The following TNKS1BP1 variants were observed in gnomAD, a reference collection of about 807,000 sequenced individuals.
TNKS1BP1 encodes the protein CCR4-NOT transcription complex subunit 12.
A neutral mutation model predicts 141.1 loss-of-function variants in TNKS1BP1; 48 were observed. The observed-to-expected ratio is 0.34, with a 90% CI of 0.27 to 0.43. The LOEUF is 0.43. TNKS1BP1 is among the 20% of genes least tolerant of loss of function. TNKS1BP1 has a pLI of 1.00. For synonymous variants in TNKS1BP1, 875 were observed against 898.2 expected (o/e 0.97, Z 0.46); for missense variants, 2,149 against 2,226.0 (o/e 0.97, Z 0.70).
intron 1 of TNKS1BP1, 126 bp downstream of exon 1, chr11:57,324,714 G>T: frequency 2.2e-6 from 2 of 922,254 alleles, no homozygotes; most frequent in Middle Eastern, 5.5e-4. Flanking sequence ...CTTTCCTGGT[G>T]ACCCCCCGAC....
rs201181917 is a variant in TNKS1BP1, at chr11:57,302,218, C to T, written c.4690G>A (p.Glu1564Lys). ...CGATACATGGCACTGTCGAGGATCTCGGTGTCCTGCTTGGGGCAATGGTGA... is the reference window on the plus strand; with the variant it reads ...CGATACATGGCACTGTCGAGGATCTTGGTGTCCTGCTTGGGGCAATGGTGA... Reference protein sequence around the residue: ...SQDFSFIEDTEILDSAMYRSR... With the variant: ...SQDFSFIEDTKILDSAMYRSR... Residue 1564 changes from glutamate to lysine, a missense_variant, in exon 8 of 12, where the codon GAG becomes AAG. Glu to Lys is a moderately conservative substitution (Grantham distance 56, BLOSUM62 1). Transcript: ENST00000358252. The surrounding 1 kb of genome is among the most constrained non-coding windows in gnomAD (Gnocchi z 5.5). 1.5e-4 allele frequency: 247 copies of T among 1,610,650 alleles called. No homozygotes were observed. Among genetic ancestry groups the T allele is most frequent in the South Asian group, 5.9e-4 (54 of 91,036 alleles).
chr11:57,324,939 G>A lies in TNKS1BP1; in HGVS notation c.-165C>T. 2.0e-6 allele frequency: 2 copies of A among 993,146 alleles called. No homozygotes were observed. The highest frequency in any genetic ancestry group is 2.4e-6 in the Non-Finnish European group (2 of 836,310). The allele number at this position is 993,146 out of a possible 1,614,324, so 61.5% of individuals were successfully genotyped here. A position where few individuals can be genotyped will look rare whatever the true frequency, so the allele number is the denominator to read the frequency against. On this transcript the variant is annotated 5_prime_UTR_variant, in exon 1 of 12. Coordinates refer to ENST00000358252, the MANE Select transcript of TNKS1BP1 (RefSeq NM_033396.3). ...GCCGCCGCCGCCGCCGTCACCGCGG[G>A]ACGAAGCCACTGCGAGCCCCGGCGG...
chr11:57,312,487 C>T (rs545574485), intron 5 of TNKS1BP1, 47 bp downstream of exon 5: 107 of 1,415,206 alleles, frequency 7.6e-5, no homozygotes, highest in Non-Finnish European at 9.4e-5. Context: ...CACCCAAGCC[C>T]TGGCCTCTGT....
At chr11:57,310,678 G>T (rs747238512) in intron 5 of TNKS1BP1, 122 bp from the exon 6 acceptor site, 3 of 1,319,166 alleles carry the variant, frequency 2.3e-6, no homozygotes, top group Non-Finnish European at 3.1e-6. Context: ...ACAGAAAGCT[G>T]TGTGACCTTG....
In TNKS1BP1 at chr11:57,308,673, C is replaced by T; in HGVS notation, c.4038G>A (p.Gln1346=). The T allele has an allele frequency of 6.2e-7, 1 of 1,613,078 alleles. No individual in the cohort carries two copies. The highest frequency in any genetic ancestry group is 8.5e-7 in the Non-Finnish European group (1 of 1,180,024). The change falls in exon 6 of 12, where the codon CAG becomes CAA. Residue 1346 remains glutamine (Q), a synonymous_variant. Transcript: ENST00000358252. The part of the protein sequence containing the change: ...GCGVGQMDWT[Q]DLAPQNVELF... ...GCTCCACATTCTGGGGCGCCAAGTCCTGGGTCCAGTCCATCTGCCCCACTC... is the reference window on the plus strand; with the variant it reads ...GCTCCACATTCTGGGGCGCCAAGTCTTGGGTCCAGTCCATCTGCCCCACTC...
Position 57,300,921 on chromosome 11 carries a change from G to A in TNKS1BP1, c.5092C>T (p.Pro1698Ser), listed in dbSNP as rs868823754. 4 of 1,614,016 alleles carry A rather than the reference G, an allele frequency of 2.5e-6. No homozygotes were observed. The African/African-American group carries it at 5.3e-5, about 22-fold the overall frequency. ...KSCKVPGLGK[P>S]LTLPPKPEKS... ...TCTGGCTTGGGAGGTAACGTGAGGG[G>A]CTTTCCCAGTCCTGGGACCTTGCAG... The change falls in exon 10 of 12, where the codon CCC becomes TCC. Residue 1698 changes from proline (P) to serine (S), a missense_variant. Physicochemically the swap from Pro to Ser is moderately conservative, Grantham distance 74. Coordinates refer to ENST00000358252, the MANE Select transcript of TNKS1BP1 (RefSeq NM_033396.3).
rs1175469005 is a variant in TNKS1BP1 at position 57,313,045 on chromosome 11, G to A, written c.1643C>T (p.Pro548Leu). ...GCCCTTCTGGGTGAGGGACATGCTT[G>A]GATCATCCCCCTGCACCCAGGAACT... ...SGSSWVQGDD[P>L]SMSLTQKGDG... Residue 548 changes from proline (P) to leucine (L), a missense_variant, in exon 5 of 12, where the codon CCA becomes CTA. Physicochemically the swap from Pro to Leu is moderately conservative, Grantham distance 98 (BLOSUM62 -3). Coordinates refer to ENST00000358252, the MANE Select transcript of TNKS1BP1 (RefSeq NM_033396.3). 1 of 1,613,868 alleles carries A rather than the reference G, an allele frequency of 6.2e-7. No homozygotes were observed. Among genetic ancestry groups the A allele is most frequent in the Non-Finnish European group, 8.5e-7 (1 of 1,180,022 alleles).
At chr11:57,321,337 A>G (rs756915138) in intron 2 of TNKS1BP1, among the ~76,000 whole-genome samples, 7 of 152,086 alleles carry the variant, frequency 4.6e-5, no homozygotes, top group Admixed American at 3.9e-4. Flanking sequence ...AAACAGGACC[A>G]GAAATCTACC....
At chr11:57,315,894 T>C (rs1236632697) in intron 4 of TNKS1BP1, among the ~76,000 whole-genome samples, 3 of 151,938 alleles carry the variant, frequency 2.0e-5, no homozygotes, top group Admixed American at 6.6e-5. Context: ...TTTTTCCCTC[T>C]CTACTGGATC....
chr11:57,318,433 C>T (rs1280440399), intron 3 of TNKS1BP1, among the ~76,000 whole-genome samples: 1 of 152,174 alleles, frequency 6.6e-6, no homozygotes, highest in Admixed American at 6.5e-5. Flanking sequence ...CTGGGACAGG[C>T]AAAGGACTAG....
At chr11:57,318,625 C>A (rs1855832948) in intron 3 of TNKS1BP1, among the ~76,000 whole-genome samples, 1 of 152,228 alleles carries the variant, frequency 6.6e-6, no homozygotes, top group Admixed American at 6.5e-5. Context: ...AAGGAGCCAG[C>A]CATACCTCAA....
chr11:57,310,933 T>G (rs546717256), intron 5 of TNKS1BP1, among the ~76,000 whole-genome samples: 1 of 152,294 alleles, frequency 6.6e-6, no homozygotes, highest in Admixed American at 6.5e-5. Flanking sequence ...CAGTGCACTT[T>G]CCTTTTGATT....
chr11:57,321,932 A>C lies in TNKS1BP1; in HGVS notation c.-47T>G. On this transcript the variant is annotated 5_prime_UTR_variant, in exon 2 of 12. Coordinates refer to ENST00000358252, the MANE Select transcript of TNKS1BP1 (RefSeq NM_033396.3). ...GAGAGCGGGGAGGCAGAGAGGTATG[A>C]GCTGGGGTGGCTGCAGACCTAGGAA... The C allele has an allele frequency of 6.2e-7, 1 of 1,607,564 alleles. No homozygotes were observed. The highest frequency in any genetic ancestry group is 8.5e-7 in the Non-Finnish European group (1 of 1,177,132).
intron 4 of TNKS1BP1, among the ~76,000 whole-genome samples, chr11:57,317,097 C>T (rs1024967869): frequency 2.0e-5 from 3 of 152,226 alleles, no homozygotes; most frequent in East Asian, 3.8e-4. Context: ...CTGCCCTTCA[C>T]AGTGACACCT....
In TNKS1BP1 at chr11:57,310,561, G is replaced by C; in HGVS notation, c.2155-5C>G. 2 of 1,582,212 alleles carry C rather than the reference G, an allele frequency of 1.3e-6. No individual in the cohort carries two copies. The highest frequency in any genetic ancestry group is 1.7e-6 in the Non-Finnish European group (2 of 1,173,008). Reference sequence around the variant, plus strand: ...CTGGGACCAGCCAAGGAGTCCCTGGGAATAAGAAAAAAAAACAGACAAAGA... The same window carrying C: ...CTGGGACCAGCCAAGGAGTCCCTGGCAATAAGAAAAAAAAACAGACAAAGA... On this transcript the variant is annotated splice_region_variant and splice_polypyrimidine_tract_variant and intron_variant, in intron 5 of 11. Transcript: ENST00000358252.
rs776761896 is a variant in TNKS1BP1, at chr11:57,309,072, C to A, written c.3639G>T (p.Gly1213=). ...CTCCGATTCCCCCCGGCTCTTCAGACCCTCCACTTTCCAAACAGCCGGTCA... is the reference window on the plus strand; with the variant it reads ...CTCCGATTCCCCCCGGCTCTTCAGAACCTCCACTTTCCAAACAGCCGGTCA... ...MNLTGCLESG[G]SEEPGGIGVG... The change falls in exon 6 of 12, where the codon GGG becomes GGT. Residue 1213 remains glycine (G), a synonymous_variant. Transcript: ENST00000358252. The surrounding 1 kb of genome is among the most constrained non-coding windows in gnomAD (Gnocchi z 4.3). 3 of 1,614,178 alleles carry A rather than the reference C, an allele frequency of 1.9e-6. No individual in the cohort carries two copies. The South Asian group carries it at 3.3e-5, about 18-fold the overall frequency.
Position 57,320,447 on chromosome 11 carries a change from C to CTCTTTCCCAGTCTCT in TNKS1BP1, c.345_359dup (p.Thr117_Glu121dup), listed in dbSNP as rs749116072. ...GGGGTGGCTCCTCTTTCCCAGCCTCCTCTTTCCCAGTCTCTTGGGTGGCTT... is the reference window on the plus strand; with the variant it reads ...GGGGTGGCTCCTCTTTCCCAGCCTCCTCTTTCCCAGTCTCTTCTTTCCCAGTCTCTTGGGTGGCTT... On this transcript the variant is annotated inframe_insertion, in exon 3 of 12. Coordinates refer to ENST00000358252, the MANE Select transcript of TNKS1BP1 (RefSeq NM_033396.3). 1 of 1,607,964 alleles carries CTCTTTCCCAGTCTCT rather than the reference C, an allele frequency of 6.2e-7. No individual in the cohort carries two copies. The highest frequency in any genetic ancestry group is 2.2e-5 in the East Asian group (1 of 44,736).
chr11:57,320,209 T>C lies in TNKS1BP1; in HGVS notation c.598A>G (p.Arg200Gly), dbSNP rs1334628643. 1 of 1,614,194 alleles carries C rather than the reference T, an allele frequency of 6.2e-7. No individual in the cohort carries two copies. Among genetic ancestry groups the C allele is most frequent in the South Asian group, 1.1e-5 (1 of 91,084 alleles). The part of the protein sequence containing the change: ...NHDGSSRYGP[R>G]TYGTTTAPRD... ...GGAGCAGTGGTCGTGCCATAGGTCCTGGGGCCATATCGCGAGCTGCCATCG... is the reference window on the plus strand; with the variant it reads ...GGAGCAGTGGTCGTGCCATAGGTCCCGGGGCCATATCGCGAGCTGCCATCG... The change falls in exon 3 of 12, where the codon AGG becomes GGG. Residue 200 changes from arginine to glycine, a missense_variant. Coordinates refer to ENST00000358252, the MANE Select transcript of TNKS1BP1 (RefSeq NM_033396.3).
chr11:57,301,986 C>A, intron 8 of TNKS1BP1, 43 bp from the exon 9 acceptor site: 1 of 1,610,052 alleles, frequency 6.2e-7, no homozygotes, highest in Non-Finnish European at 8.5e-7. Context: ...GCAGCACACC[C>A]AGACTCCCCG....
Sources: allele counts gnomAD v4.1 joint callset (sites outside exome capture counted in the v4.1 genomes callset), GRCh38; gene constraint gnomAD v4.1.1; non-coding constraint Gnocchi (gnomAD v3.1); transcripts MANE v1.5; gene names NCBI Gene and HGNC (gene_info 2026-07-23, HGNC 2026-07-21).